The following RASGRF1 variants were observed in gnomAD, a reference collection of about 807,000 sequenced individuals.
RASGRF1 encodes Ras protein specific guanine nucleotide releasing factor 1.
A neutral mutation model predicts 138.7 loss-of-function variants in RASGRF1; 40 were observed. That is an observed-to-expected ratio of 0.29 (90% CI 0.22 to 0.38). The LOEUF is 0.38. Ranked by LOEUF, RASGRF1 falls within the 10% of genes least tolerant of loss-of-function variation. The probability of loss-of-function intolerance (pLI) is 1.00; values close to 1 mark genes in which losing one functional copy is unlikely to be tolerated. For missense variants in RASGRF1, 1,108 were observed against 1,650.4 expected (o/e 0.67, Z 5.69); for synonymous variants, 614 against 663.2 (o/e 0.93, Z 1.14).
At position 79,058,501 on chromosome 15, in the gene RASGRF1, G is replaced by A. The variant is rs1328130070; in HGVS notation, c.384-20C>T. ...CTGTAGCTGTGGACAGATGGACATGGCAGGTAAGATGCTGACTCCTTGTCC... is the reference window on the plus strand; with the variant it reads ...CTGTAGCTGTGGACAGATGGACATGACAGGTAAGATGCTGACTCCTTGTCC... On this transcript the variant is annotated intron_variant, in intron 2 of 26. Coordinates refer to ENST00000558480, the MANE Select transcript of RASGRF1 (RefSeq NM_001145648.3). 2 of 1,611,980 alleles carry A rather than the reference G, an allele frequency of 1.2e-6. No homozygotes were observed. The highest frequency in any genetic ancestry group is 1.7e-5 in the Admixed American group (1 of 59,994).
intron 5 of RASGRF1, among the ~76,000 whole-genome samples, chr15:79,036,398 T>A (rs1013301894): frequency 7.2e-5 from 11 of 152,292 alleles, no homozygotes; most frequent in African/African-American, 2.4e-4. Flanking sequence ...TTGGCGGCAT[T>A]CTCCACTGTG....
In RASGRF1 at chr15:78,998,756, A is replaced by G; in HGVS notation, c.2816T>C (p.Leu939Ser). ...VIRRAATNRV[L>S]NVLRHWVSKH... ...GGACACCCAGTGGCGGAGCACGTTCAAGACACGATTGGTGGCTGCTCTGCG... is the reference window on the plus strand; with the variant it reads ...GGACACCCAGTGGCGGAGCACGTTCGAGACACGATTGGTGGCTGCTCTGCG... Residue 939 changes from leucine (L) to serine (S), a missense_variant, in exon 18 of 27, where the codon TTG becomes TCG. Physicochemically the swap from Leu to Ser is moderately radical, Grantham distance 145 (BLOSUM62 -2). Transcript: ENST00000558480. The G allele has an allele frequency of 6.2e-7, 1 of 1,614,164 alleles. No individual in the cohort carries two copies.
At chr15:79,018,009 G>A (rs1038258433) in intron 11 of RASGRF1, 103 bp from the exon 12 acceptor site, 74 of 1,411,726 alleles carry the variant, frequency 5.2e-5, no homozygotes, top group South Asian at 1.7e-4. Flanking sequence ...GAGGCTCTGC[G>A]TTGGTAAGGC....
intron 24 of RASGRF1, chr15:78,980,389 C>A: frequency 2.5e-6 from 1 of 407,228 alleles, no homozygotes; most frequent in Admixed American, 4.0e-5. Context: ...TCAGGGATCC[C>A]AGCAGTATTC....
intron 8 of RASGRF1, among the ~76,000 whole-genome samples, chr15:79,028,794 T>A (rs1251070242): frequency 1.3e-5 from 2 of 152,220 alleles, no homozygotes; most frequent in African/African-American, 4.8e-5. Flanking sequence ...AGAAGGCTGG[T>A]TAATATGTGC....
chr15:78,973,255 T>C lies in RASGRF1; in HGVS notation c.3612+48A>G. 6.9e-7 allele frequency: 1 copy of C among 1,451,360 alleles called. No individual in the cohort carries two copies. Among genetic ancestry groups the C allele is most frequent in the Non-Finnish European group, 9.5e-7 (1 of 1,048,544 alleles). The allele number at this position is 1,451,360 out of a possible 1,614,324, so 89.9% of individuals were successfully genotyped here. A position where few individuals can be genotyped will look rare whatever the true frequency, so the allele number is the denominator to read the frequency against. On this transcript the variant is annotated intron_variant, in intron 25 of 26. Transcript: ENST00000558480. This position sits in a 1 kb window ranked among gnomAD's most constrained non-coding sequence, Gnocchi z 4.9. ...TGTGGGTGGGCCCCAGGTTGAGTCATCTGGGCTTCAACGCCCCCCTTCCCC... is the reference window on the plus strand; with the variant it reads ...TGTGGGTGGGCCCCAGGTTGAGTCACCTGGGCTTCAACGCCCCCCTTCCCC...
chr15:79,023,296 A>C (rs1417771745), intron 10 of RASGRF1, among the ~76,000 whole-genome samples: 6 of 152,190 alleles, frequency 3.9e-5, no homozygotes, highest in Non-Finnish European at 7.3e-5. Context: ...CCTAATTGAC[A>C]GCAAATCCAC....
At chr15:79,066,853 G>A (rs1567606931) in intron 1 of RASGRF1, among the ~76,000 whole-genome samples, 1 of 152,142 alleles carries the variant, frequency 6.6e-6, no homozygotes. Flanking sequence ...CAGGCACGGG[G>A]TTCCTGGAGG....
intron 13 of RASGRF1, among the ~76,000 whole-genome samples, chr15:79,007,698 C>G (rs1167574905): frequency 6.6e-6 from 1 of 150,634 alleles, no homozygotes; most frequent in Admixed American, 6.6e-5. Flanking sequence ...ATTACAGGTA[C>G]ATGCCACTAT....
At chr15:79,068,643 T>C (rs2057713808) in intron 1 of RASGRF1, among the ~76,000 whole-genome samples, 1 of 151,654 alleles carries the variant, frequency 6.6e-6, no homozygotes, top group Non-Finnish European at 1.5e-5. Flanking sequence ...TTTATATCTA[T>C]CCATCTATCG....
intron 20 of RASGRF1, 39 bp from the exon 21 acceptor site, chr15:78,991,833 C>T: frequency 1.3e-6 from 2 of 1,521,946 alleles, no homozygotes; most frequent in South Asian, 1.1e-5. Flanking sequence ...TGAGTTAGGC[C>T]CATGACGGAC....
rs753665444 is a variant in RASGRF1, at chr15:79,046,769, G to A, written c.855C>T (p.Asp285=). ...ACCTGTTCAGGAAGATGCTGCTGACGTCGTCGTGTGTGATGGGAGGCTTCT... is the reference window on the plus strand; with the variant it reads ...ACCTGTTCAGGAAGATGCTGCTGACATCGTCGTGTGTGATGGGAGGCTTCT... ...SSKKPPITHD[D]VSSIFLNSET... is the part of the protein sequence containing the mutation. The change falls in exon 5 of 27, where the codon GAC becomes GAT. Residue 285 remains aspartate (D), a synonymous_variant. Coordinates refer to ENST00000558480, the MANE Select transcript of RASGRF1 (RefSeq NM_001145648.3). The surrounding 1 kb of genome is among the most constrained non-coding windows in gnomAD (Gnocchi z 5.3). 34 of 1,614,142 alleles carry A rather than the reference G, an allele frequency of 2.1e-5. No individual in the cohort carries two copies. The highest frequency in any genetic ancestry group is 1.7e-4 in the Admixed American group (10 of 60,012).
At chr15:79,074,174 C>T (rs1165167230) in intron 1 of RASGRF1, among the ~76,000 whole-genome samples, 1 of 151,736 alleles carries the variant, frequency 6.6e-6, no homozygotes, top group Non-Finnish European at 1.5e-5. Flanking sequence ...GCACTAGCTG[C>T]CTTCTGAATC....
chr15:79,054,663 G>A (rs2057486239), intron 3 of RASGRF1, among the ~76,000 whole-genome samples: 1 of 152,212 alleles, frequency 6.6e-6, no homozygotes, highest in South Asian at 2.1e-4. Context: ...GGAGGATTTT[G>A]GGGAGCAGAG....
chr15:79,068,081 C>A (rs534384849), intron 1 of RASGRF1, among the ~76,000 whole-genome samples: 1 of 152,218 alleles, frequency 6.6e-6, no homozygotes, highest in South Asian at 2.1e-4. Flanking sequence ...TGCCTGTCAC[C>A]CTGCAGGCAC....
rs1312333591 is a variant in RASGRF1, at chr15:79,050,082, C to T, written c.532-494G>A. Among the ~76,000 whole-genome samples the T allele has an allele frequency of 6.6e-6, 1 of 152,196 alleles. No homozygotes were observed. The highest frequency in any genetic ancestry group is 1.5e-5 in the Non-Finnish European group (1 of 68,042). ...GACATTCACATTGTTGTGCAACCAT[C>T]ACCACCATTTACCTCCAGAACTCTT... On this transcript the variant is annotated intron_variant, in intron 3 of 26. Transcript: ENST00000558480. The surrounding 1 kb of genome is among the most constrained non-coding windows in gnomAD (Gnocchi z 4.1).
At chr15:78,988,842 T>TC (rs1381622695) in intron 22 of RASGRF1, among the ~76,000 whole-genome samples, 1 of 147,552 alleles carries the variant, frequency 6.8e-6, no homozygotes, top group Admixed American at 6.7e-5. Flanking sequence ...GGAGGGAGTT[T>TC]TTTTTTTTTT....
chr15:79,082,042 G>A (rs1454276229), intron 1 of RASGRF1, among the ~76,000 whole-genome samples: 1 of 152,158 alleles, frequency 6.6e-6, no homozygotes, highest in Non-Finnish European at 1.5e-5. Context: ...TACTATCCGT[G>A]TCCTCATGAA....
At chr15:78,980,236 A>G in intron 24 of RASGRF1, 1 of 160,656 alleles carries the variant, frequency 6.2e-6, no homozygotes, top group Admixed American at 6.4e-5. Context: ...GGAGTGAAAA[A>G]GGAAACACAA....
Sources: allele counts gnomAD v4.1 joint callset (sites outside exome capture counted in the v4.1 genomes callset), GRCh38; gene constraint gnomAD v4.1.1; non-coding constraint Gnocchi (gnomAD v3.1); transcripts MANE v1.5; gene names NCBI Gene and HGNC (gene_info 2026-07-23, HGNC 2026-07-21).